Variants in BRSK1 observed in about 807,000 individuals in gnomAD.
The protein encoded by BRSK1 is serine/threonine-protein kinase BRSK1.
BRSK1 carries 17 observed loss-of-function variants against 86.2 expected under a neutral mutation model. That is an observed-to-expected ratio of 0.20 (90% confidence interval 0.14 to 0.30). BRSK1 has a LOEUF of 0.30. BRSK1 is among the 10% of genes least tolerant of loss of function. The pLI, the probability that BRSK1 is intolerant of heterozygous loss-of-function variation, is 1.00. For synonymous variants in BRSK1, 464 were observed against 440.1 expected, an observed-to-expected ratio of 1.05 and a Z score of -0.68; for missense variants, 719 against 1,071.9, an observed-to-expected ratio of 0.67 and a Z score of 4.60.
intron 18 of BRSK1, among the ~76,000 whole-genome samples, chr19:55,309,100 C>G (rs2088723567): frequency 2.0e-5 from 3 of 151,914 alleles, no homozygotes. Flanking sequence ...GGACCTCTGT[C>G]CAGGAGGACG....
intron 7 of BRSK1, among the ~76,000 whole-genome samples, chr19:55,297,537 G>A (rs965012887): frequency 5.3e-4 from 80 of 152,200 alleles, no homozygotes; most frequent in Non-Finnish European, 7.3e-5. Context: ...CGGATACTAA[G>A]GGCAATGAGG....
Position 55,284,498 on chromosome 19 carries a change from A to AAC in BRSK1, c.56_57insAC (p.His19GlnfsTer48). 2 of 403,742 alleles carry AAC rather than the reference A, an allele frequency of 5.0e-6. No homozygotes were observed. The highest frequency in any genetic ancestry group is 4.0e-6 in the Non-Finnish European group (1 of 251,860). 25.0% of individuals were successfully genotyped at this position (403,742 alleles called of 1,614,324 possible). A position where few individuals can be genotyped will look rare whatever the true frequency, so the allele number is the denominator to read the frequency against. On this transcript the variant is annotated frameshift_variant, in exon 1 of 19. Transcript: ENST00000309383. LOFTEE classifies it high-confidence loss of function. ...GGCTCTCCCGCCTACCACCTCCCCC[A>AAC]CCCCCACCCCCACCCACCCCAGCAC...
chr19:55,296,803 A>AT (rs1491538937), intron 7 of BRSK1, among the ~76,000 whole-genome samples: 9 of 151,840 alleles, frequency 5.9e-5, no homozygotes, highest in African/African-American at 1.9e-4. Context: ...AGCCGAGATC[A>AT]TGCCACTGCA....
Position 55,284,489 on chromosome 19 carries a change from A to ACCAACCCCCCCCC in BRSK1, c.49_50insAACCCCCCCCCCC (p.Leu17GlnfsTer37). On this transcript the variant is annotated frameshift_variant, in exon 1 of 19. Coordinates refer to ENST00000309383, the MANE Select transcript of BRSK1 (RefSeq NM_032430.2). LOFTEE classifies it high-confidence loss of function. ...GGAGGTGGGGGCTCTCCCGCCTACC[A>ACCAACCCCCCCCC]CCTCCCCCACCCCCACCCCCACCCA... The ACCAACCCCCCCCC allele has an allele frequency of 1.3e-6, 1 of 764,826 alleles. No homozygotes were observed. The highest frequency in any genetic ancestry group is 1.9e-6 in the Non-Finnish European group (1 of 515,352). The allele number at this position is 764,826 out of a possible 1,614,324, so 47.4% of individuals were successfully genotyped here.
Position 55,302,971 on chromosome 19 carries a change from G to T in BRSK1, c.1028+104G>T. On this transcript the variant is annotated intron_variant, in intron 10 of 18. Coordinates refer to ENST00000309383, the MANE Select transcript of BRSK1 (RefSeq NM_032430.2). The surrounding 1 kb of genome is among the most constrained non-coding windows in gnomAD (Gnocchi z 6.3). Reference sequence around the variant, plus strand: ...GGGCGAGGAACCCTGGCCTCTCATGGGGCATGGTTTGAAGCTCCCGCCTGG... The same window carrying T: ...GGGCGAGGAACCCTGGCCTCTCATGTGGCATGGTTTGAAGCTCCCGCCTGG... 4 of 1,453,186 alleles carry T rather than the reference G, an allele frequency of 2.8e-6. No homozygotes were observed. The highest frequency in any genetic ancestry group is 3.7e-6 in the Non-Finnish European group (4 of 1,086,510). 90.0% of individuals were successfully genotyped at this position (1,453,186 alleles called of 1,614,324 possible).
At position 55,312,184 on chromosome 19, in the gene BRSK1, C is replaced by T. The variant is rs954829818; in HGVS notation, c.*116C>T. The T allele has an allele frequency of 5.8e-5, 31 of 530,232 alleles. No individual in the cohort carries two copies. The highest frequency in any genetic ancestry group is 5.2e-4 in the South Asian group (18 of 34,578). 32.8% of individuals were successfully genotyped at this position (530,232 alleles called of 1,614,324 possible). A position where few individuals can be genotyped will look rare whatever the true frequency, so the allele number is the denominator to read the frequency against. ...TCGGGAGGGGGGTGGACACAAAAAC[C>T]GGCCTTGCCCTGCAGGGATGGGGCT... is the stretch of plus-strand genomic sequence containing the variant. On this transcript the variant is annotated 3_prime_UTR_variant, in exon 19 of 19. Coordinates refer to ENST00000309383, the MANE Select transcript of BRSK1 (RefSeq NM_032430.2).
Position 55,310,961 on chromosome 19 carries a change from TTTTG to T in BRSK1, c.2180-946_2180-943del, listed in dbSNP as rs1454656663. Among the ~76,000 whole-genome samples, 4 of 151,744 alleles carry T rather than the reference TTTTG, an allele frequency of 2.6e-5. No individual in the cohort carries two copies. The highest frequency in any genetic ancestry group is 6.6e-5 in the Admixed American group (1 of 15,220). Reference sequence around the variant, plus strand: ...TGGTTGCTATGACAAGCCCCCCAGTTTTTGTTTTTGTTTTTTTGAGACAGAATCT... The same window carrying T: ...TGGTTGCTATGACAAGCCCCCCAGTTTTTTTGTTTTTTTGAGACAGAATCT... On this transcript the variant is annotated intron_variant, in intron 18 of 18. Coordinates refer to ENST00000309383, the MANE Select transcript of BRSK1 (RefSeq NM_032430.2). The surrounding 1 kb of genome is among the most constrained non-coding windows in gnomAD (Gnocchi z 5.0).
chr19:55,293,111 G>A (rs1028892355), intron 4 of BRSK1, among the ~76,000 whole-genome samples: 5 of 152,120 alleles, frequency 3.3e-5, no homozygotes, highest in African/African-American at 1.2e-4. Context: ...TGTAATTCCA[G>A]CACTTTGGGA....
rs1389713045 is a variant in BRSK1, at chr19:55,304,677, C to T, written c.1474C>T (p.Pro492Ser). Residue 492 changes from proline (P) to serine (S), a missense_variant, in exon 14 of 19, where the codon CCC becomes TCC. Physicochemically the swap from Pro to Ser is moderately conservative, Grantham distance 74. Transcript: ENST00000309383. The surrounding 1 kb of genome is among the most constrained non-coding windows in gnomAD (Gnocchi z 5.2). Reference protein sequence around the residue: ...GPRGGGAGEQPPPPSARSTPL... With the variant: ...GPRGGGAGEQSPPPSARSTPL... ...CAGGGGTGGGGGCGCCGGGGAGCAGCCCCCGCCCCCCAGTGCCCGCTCCAC... is the reference window on the plus strand; with the variant it reads ...CAGGGGTGGGGGCGCCGGGGAGCAGTCCCCGCCCCCCAGTGCCCGCTCCAC... 3 of 1,483,204 alleles carry T rather than the reference C, an allele frequency of 2.0e-6. No individual in the cohort carries two copies. Among genetic ancestry groups the T allele is most frequent in the East Asian group, 2.5e-5 (1 of 40,164 alleles). The allele number at this position is 1,483,204 out of a possible 1,614,324, so 91.9% of individuals were successfully genotyped here. A position where few individuals can be genotyped will look rare whatever the true frequency, so the allele number is the denominator to read the frequency against.
chr19:55,298,914 C>T (rs538818965), intron 7 of BRSK1, among the ~76,000 whole-genome samples: 1 of 152,322 alleles, frequency 6.6e-6, no homozygotes, highest in South Asian at 2.1e-4. Context: ...GCCATGAGTT[C>T]CGCGTCAATG....
intron 7 of BRSK1, among the ~76,000 whole-genome samples, chr19:55,299,573 A>T (rs2088541449): frequency 6.6e-6 from 1 of 151,958 alleles, no homozygotes; most frequent in Non-Finnish European, 1.5e-5. Context: ...TTTAGTAGAG[A>T]TGGGGTTTCA....
chr19:55,311,453 C>A (rs2088792406), intron 18 of BRSK1, among the ~76,000 whole-genome samples: 2 of 152,128 alleles, frequency 1.3e-5, no homozygotes, highest in Non-Finnish European at 2.9e-5. Flanking sequence ...GCCTGAGACC[C>A]CCCCGACTCC....
Position 55,294,537 on chromosome 19 carries a change from C to A in BRSK1, c.678+140C>A. The A allele has an allele frequency of 8.9e-7, 1 of 1,119,392 alleles. No individual in the cohort carries two copies. The highest frequency in any genetic ancestry group is 1.3e-6 in the Non-Finnish European group (1 of 796,398). 69.3% of individuals were successfully genotyped at this position (1,119,392 alleles called of 1,614,324 possible). On this transcript the variant is annotated intron_variant, in intron 7 of 18. Transcript: ENST00000309383. This position sits in a 1 kb window ranked among gnomAD's most constrained non-coding sequence, Gnocchi z 4.9. ...TTTATTTTGAGACAGAGTCTTGCCC[C>A]GTCGCCTAGGCTGGAGTGCAGTGGT...
At chr19:55,307,787 C>T (rs1477786232) in intron 17 of BRSK1, among the ~76,000 whole-genome samples, 8 of 72,960 alleles carry the variant, frequency 1.1e-4, no homozygotes, top group African/African-American at 1.4e-4. Flanking sequence ...CACACACACA[C>T]AATTTAAAAA....
intron 4 of BRSK1, among the ~76,000 whole-genome samples, chr19:55,290,922 T>G (rs1039278849): frequency 6.6e-6 from 1 of 152,040 alleles, no homozygotes; most frequent in African/African-American, 2.4e-5. Flanking sequence ...ATTACAGGCA[T>G]GAGCCACCGC....
At chr19:55,307,873 G>C (rs537582627) in intron 17 of BRSK1, among the ~76,000 whole-genome samples, 1 of 149,862 alleles carries the variant, frequency 6.7e-6, no homozygotes, top group Non-Finnish European at 1.5e-5. Flanking sequence ...AGGATCACCT[G>C]ATTCCAGGAG....
chr19:55,304,523 G>C lies in BRSK1; in HGVS notation c.1348-28G>C. The C allele has an allele frequency of 6.6e-7, 1 of 1,524,442 alleles. No homozygotes were observed. The allele number at this position is 1,524,442 out of a possible 1,614,324, so 94.4% of individuals were successfully genotyped here. On this transcript the variant is annotated intron_variant, in intron 13 of 18. Transcript: ENST00000309383. The surrounding 1 kb of genome is among the most constrained non-coding windows in gnomAD (Gnocchi z 5.2). ...GCCTCCTGGGAGTTGTAGTCCACTC[G>C]CTTATCTCAGTCTCCTGTCCTCTGC...
Position 55,284,236 on chromosome 19 carries a change from C to A in BRSK1, c.-207C>A. On this transcript the variant is annotated 5_prime_UTR_variant, in exon 1 of 19. Transcript: ENST00000309383. The stretch of plus-strand genomic sequence containing the variant: ...CCCTGGGCCATGCTGACTCCCGGGG[C>A]CTGACCCCCCCGGGCCAGCCCCCCC... The A allele has an allele frequency of 1.9e-6, 1 of 518,040 alleles. No homozygotes were observed. Among genetic ancestry groups the A allele is most frequent in the Non-Finnish European group, 2.9e-6 (1 of 340,610 alleles). The allele number at this position is 518,040 out of a possible 1,614,324, so 32.1% of individuals were successfully genotyped here. A position where few individuals can be genotyped will look rare whatever the true frequency, so the allele number is the denominator to read the frequency against.
At chr19:55,289,369 G>A (rs2088370233) in intron 3 of BRSK1, 111 bp from the exon 4 acceptor site, 1 of 1,286,730 alleles carries the variant, frequency 7.8e-7, no homozygotes, top group African/African-American at 1.5e-5. Flanking sequence ...TTCTCCCAAG[G>A]ATCATGGGAA....
Sources: gnomAD v4.1 joint callset for allele counts (sites outside exome capture counted in the v4.1 genomes callset) on GRCh38, gnomAD v4.1.1 for gene constraint, Gnocchi (gnomAD v3.1) non-coding constraint, MANE v1.5 for transcripts, NCBI Gene and HGNC (gene_info 2026-07-23, HGNC 2026-07-21) for gene names.